MCF2L2: variants seen among roughly 807,000 people sequenced by gnomAD.
The protein encoded by MCF2L2 is MCF.2 cell line derived transforming sequence-like 2.
In MCF2L2, 102 loss-of-function variants were observed where a neutral mutation model predicts 150.2. The observed-to-expected ratio is 0.68, with a 90% CI of 0.58 to 0.80. MCF2L2 has a LOEUF of 0.80. MCF2L2 is among the 30% of genes least tolerant of loss of function. MCF2L2 has a pLI of 0.00. For synonymous variants in MCF2L2, 465 were observed against 491.3 expected, an observed-to-expected ratio of 0.95 and a Z score of 0.71; for missense variants, 1,256 against 1,372.8, an observed-to-expected ratio of 0.91 and a Z score of 1.34.
intron 18 of MCF2L2, chr3:183,228,026 T>TACACACACACACACAC (rs144915150): frequency 0.032 from 4,467 of 138,932 alleles, 61 homozygotes; most frequent in East Asian, 0.088. Context: ...TATATATACA[T>TACACACACACACACAC]ATACACACAC....
chr3:183,397,354 G>A (rs1034857724), intron 1 of MCF2L2, among the ~76,000 whole-genome samples: 1 of 152,200 alleles, frequency 6.6e-6, no homozygotes, highest in African/African-American at 2.4e-5. Context: ...TGGTGGAAGG[G>A]CGAAAGGGGT....
In MCF2L2 at chr3:183,181,322, C is replaced by CGG. The variant is rs145010379; in HGVS notation, c.3017-1165_3017-1164dup. On this transcript the variant is annotated intron_variant, in intron 27 of 29. Coordinates refer to ENST00000328913, the MANE Select transcript of MCF2L2 (RefSeq NM_015078.4). This position sits in a 1 kb window ranked among gnomAD's most constrained non-coding sequence, Gnocchi z 4.3. ...GGGGGCTGTGTGAGTAACATGGGGG[C>CGG]GGGGGGGCAGCTGGGCAGCACCTCC... 1.3e-5 allele frequency among the ~76,000 whole-genome samples: 2 copies of CGG among 151,654 alleles called. No individual in the cohort carries two copies. Among genetic ancestry groups the CGG allele is most frequent in the African/African-American group, 4.8e-5 (2 of 41,242 alleles).
chr3:183,285,065 C>T (rs1191467281), intron 14 of MCF2L2, among the ~76,000 whole-genome samples: 1 of 152,228 alleles, frequency 6.6e-6, no homozygotes, highest in Non-Finnish European at 1.5e-5. Flanking sequence ...GCCCCCTGAT[C>T]TGTTATCATT....
intron 23 of MCF2L2, 115 bp downstream of exon 23, chr3:183,207,493 T>C: frequency 3.9e-6 from 3 of 768,690 alleles, no homozygotes; most frequent in Non-Finnish European, 6.5e-6. Flanking sequence ...GGTGTGGTAT[T>C]TGGCAAGTTA....
intron 27 of MCF2L2, among the ~76,000 whole-genome samples, chr3:183,191,645 C>T (rs1721896482): frequency 6.6e-6 from 1 of 152,140 alleles, no homozygotes; most frequent in Admixed American, 6.5e-5. Context: ...CTTTCTCCTT[C>T]TTCACAATGT....
intron 7 of MCF2L2, among the ~76,000 whole-genome samples, chr3:183,315,329 G>A (rs1341159129): frequency 6.6e-6 from 1 of 152,006 alleles, no homozygotes; most frequent in African/African-American, 2.4e-5. Context: ...TCTTAATCGA[G>A]GTAAACACTT....
intron 1 of MCF2L2, among the ~76,000 whole-genome samples, chr3:183,416,461 ACCC>A (rs1404175915): frequency 5.7e-4 from 87 of 152,252 alleles, no homozygotes; most frequent in African/African-American, 2.1e-3. Flanking sequence ...GAATATATAT[ACCC>A]AACAGTACAT....
At chr3:183,372,192 G>A (rs896780867) in intron 3 of MCF2L2, 2 of 152,018 alleles carry the variant, frequency 1.3e-5, no homozygotes, top group African/African-American at 4.8e-5. Context: ...TCACTTCTCT[G>A]ACGAGGCTGG....
At chr3:183,374,663 C>A (rs1713087225) in intron 3 of MCF2L2, 1 of 131,872 alleles carries the variant, frequency 7.6e-6, no homozygotes, top group Admixed American at 7.3e-5. Context: ...CACGAAACTC[C>A]GTCTCAAAAA....
intron 1 of MCF2L2, among the ~76,000 whole-genome samples, chr3:183,423,639 T>TG (rs1433693762): frequency 4.2e-5 from 6 of 141,682 alleles, no homozygotes; most frequent in South Asian, 4.8e-4. Context: ...TTTGTTTTTT[T>TG]TTTTTTTTTT....
Position 183,228,358 on chromosome 3 carries a change from A to G in MCF2L2, c.2054T>C (p.Leu685Pro). Residue 685 changes from leucine (L) to proline (P), a missense_variant, in exon 18 of 30, where the codon CTA becomes CCA. By Grantham distance (98) the Leu-to-Pro change is moderately conservative. Transcript: ENST00000328913. ...ELYEFHNRTF[L>P]KELEKCAENP... The stretch of plus-strand genomic sequence containing the variant: ...CTCAGCACACTTTTCCAACTCTTTT[A>G]GAAAAGTCCTAGAAAAATAAAAGTA... 7.5e-6 allele frequency: 12 copies of G among 1,610,406 alleles called. No homozygotes were observed. The highest frequency in any genetic ancestry group is 1.0e-5 in the Non-Finnish European group (12 of 1,176,992).
chr3:183,419,041 A>G (rs2108630935), intron 1 of MCF2L2, among the ~76,000 whole-genome samples: 1 of 152,304 alleles, frequency 6.6e-6, no homozygotes, highest in South Asian at 2.1e-4. Context: ...GCATTTCCAT[A>G]CATCCTCTGA....
intron 15 of MCF2L2, chr3:183,272,676 AC>A (rs1726878174): frequency 9.9e-7 from 1 of 1,005,710 alleles, no homozygotes; most frequent in Non-Finnish European, 1.2e-6. Flanking sequence ...AAGTTTTCTG[AC>A]CAATTAAAAA....
intron 1 of MCF2L2, among the ~76,000 whole-genome samples, chr3:183,404,795 G>A (rs1479842485): frequency 1.3e-5 from 2 of 152,026 alleles, no homozygotes; most frequent in South Asian, 2.1e-4. Flanking sequence ...CCTGGGAGGC[G>A]GAGGTTGCAG....
At chr3:183,316,447 C>T (rs1001158124) in intron 7 of MCF2L2, among the ~76,000 whole-genome samples, 4 of 151,346 alleles carry the variant, frequency 2.6e-5, no homozygotes, top group East Asian at 3.9e-4. Context: ...CGGGTTCAAG[C>T]GAGTCTCCTG....
Position 183,349,643 on chromosome 3 carries a change from CACTT to C in MCF2L2, c.276-8017_276-8014del, listed in dbSNP as rs558613627. On this transcript the variant is annotated intron_variant, in intron 3 of 29. Transcript: ENST00000328913. The stretch of plus-strand genomic sequence containing the variant: ...TGTCAGACTTATTTGTTTTCTGTCT[CACTT>C]AACCTAACGAAACAGATGTTATCTC... Among the ~76,000 whole-genome samples the C allele has an allele frequency of 3.5e-4, 53 of 152,306 alleles. 1 individual carries two copies. The South Asian group carries it at 8.1e-3, about 23-fold the overall frequency.
chr3:183,398,621 T>A (rs938443907), intron 1 of MCF2L2, among the ~76,000 whole-genome samples: 3 of 152,170 alleles, frequency 2.0e-5, no homozygotes, highest in African/African-American at 7.2e-5. Context: ...ACCCAATTGC[T>A]AACTCTCCTG....
intron 3 of MCF2L2, among the ~76,000 whole-genome samples, chr3:183,360,798 C>T (rs1194652111): frequency 6.6e-6 from 1 of 151,838 alleles, no homozygotes; most frequent in Non-Finnish European, 1.5e-5. Flanking sequence ...GGTGAGACCT[C>T]ATCTCTACTA....
At chr3:183,351,234 A>ATTTATT (rs1553786141) in intron 3 of MCF2L2, among the ~76,000 whole-genome samples, 52 of 60,378 alleles carry the variant, frequency 8.6e-4, no homozygotes, top group Admixed American at 1.5e-3. Context: ...ATATATATAT[A>ATTTATT]TATTTATTTA....
Sources: allele counts gnomAD v4.1 joint callset (sites outside exome capture counted in the v4.1 genomes callset), GRCh38; gene constraint gnomAD v4.1.1; non-coding constraint Gnocchi (gnomAD v3.1); transcripts MANE v1.5; gene names NCBI Gene and HGNC (gene_info 2026-07-23, HGNC 2026-07-21).